The following UBR4 variants were observed in gnomAD, a reference collection of about 807,000 sequenced individuals.
The protein encoded by UBR4 is E3 ubiquitin-protein ligase UBR4.
A neutral mutation model predicts 575.6 loss-of-function variants in UBR4; 124 were observed. The observed-to-expected ratio is 0.22, with a 90% CI of 0.19 to 0.25. UBR4 has a LOEUF of 0.25. Among genes scored for constraint, UBR4 ranks in the 10% least tolerant of loss-of-function variants. The probability of loss-of-function intolerance (pLI) is 1.00; values close to 1 mark genes in which losing one functional copy is unlikely to be tolerated. For synonymous variants in UBR4, 2,455 were observed against 2,473.7 expected, an observed-to-expected ratio of 0.99 and a Z score of 0.22; for missense variants, 4,818 against 6,478.8, an observed-to-expected ratio of 0.74 and a Z score of 8.80.
Position 19,176,580 on chromosome 1 carries a change from C to A in UBR4, c.2773+12G>T. The A allele has an allele frequency of 2.5e-6, 4 of 1,611,732 alleles. No homozygotes were observed. Among genetic ancestry groups the A allele is most frequent in the Non-Finnish European group, 3.4e-6 (4 of 1,178,752 alleles). On this transcript the variant is annotated intron_variant, in intron 20 of 105. Coordinates refer to ENST00000375254, the MANE Select transcript of UBR4 (RefSeq NM_020765.3). Reference sequence around the variant, plus strand: ...AGTAAGTCAGTTTCTTATTAACAGTCTTCTTTCTGACCTGATGAGAAATGC... The same window carrying A: ...AGTAAGTCAGTTTCTTATTAACAGTATTCTTTCTGACCTGATGAGAAATGC...
intron 63 of UBR4, among the ~76,000 whole-genome samples, chr1:19,127,311 T>C (rs956748565): frequency 6.6e-6 from 1 of 152,196 alleles, no homozygotes; most frequent in Admixed American, 6.5e-5. Context: ...CCATACCTTA[T>C]AGCAACATAC....
chr1:19,086,634 A>G (rs1221088612), intron 100 of UBR4, 45 bp downstream of exon 100: 2 of 1,605,294 alleles, frequency 1.2e-6, no homozygotes, highest in Non-Finnish European at 1.7e-6. Flanking sequence ...CCAGGCCCAC[A>G]GGCAGGCCTA....
chr1:19,101,492 G>T, intron 88 of UBR4, 28 bp downstream of exon 88: 1 of 1,587,736 alleles, frequency 6.3e-7, no homozygotes, highest in East Asian at 2.3e-5. Flanking sequence ...TGACACTCGA[G>T]AGCCATGGGA....
intron 18 of UBR4, among the ~76,000 whole-genome samples, chr1:19,178,468 T>C (rs1464004703): frequency 6.6e-6 from 1 of 152,140 alleles, no homozygotes; most frequent in Non-Finnish European, 1.5e-5. Context: ...ATATAGCGGG[T>C]CTTTGGCACT....
rs1000708307 is a variant in UBR4 at position 19,174,968 on chromosome 1, G to T, written c.2839C>A (p.Arg947=). ...SPEASEDDLN[R]LDSVACDVLF... Reference sequence around the variant, plus strand: ...ATTCCTAGTACCACAGAATCAAGTCGGTTCAAATCATCCTCTGAGGCTTCT... The same window carrying T: ...ATTCCTAGTACCACAGAATCAAGTCTGTTCAAATCATCCTCTGAGGCTTCT... Residue 947 remains arginine, a synonymous_variant, in exon 21 of 106, where the codon CGA becomes AGA. Coordinates refer to ENST00000375254, the MANE Select transcript of UBR4 (RefSeq NM_020765.3). The T allele has an allele frequency of 5.0e-6, 8 of 1,613,642 alleles. No homozygotes were observed. The highest frequency in any genetic ancestry group is 4.0e-5 in the African/African-American group (3 of 74,872).
intron 42 of UBR4, 23 bp downstream of exon 42, chr1:19,156,248 T>C (rs1272302952): frequency 6.2e-7 from 1 of 1,611,466 alleles, no homozygotes; most frequent in Admixed American, 1.7e-5. Context: ...TAGGACCATA[T>C]CATCAAAGAA....
At chr1:19,142,052 TC>T (rs1387249745) in intron 55 of UBR4, among the ~76,000 whole-genome samples, 2 of 152,254 alleles carry the variant, frequency 1.3e-5, no homozygotes, top group African/African-American at 4.8e-5. Context: ...CAAAGGGATT[TC>T]CATAAAGGTG....
In UBR4 at chr1:19,121,336, C is replaced by T; in HGVS notation, c.9994G>A (p.Val3332Met). The T allele has an allele frequency of 2.5e-6, 4 of 1,614,180 alleles. No individual in the cohort carries two copies. Among genetic ancestry groups the T allele is most frequent in the Non-Finnish European group, 3.4e-6 (4 of 1,180,022 alleles). The change falls in exon 68 of 106, where the codon GTG becomes ATG. Residue 3332 changes from valine to methionine, a missense_variant. Coordinates refer to ENST00000375254, the MANE Select transcript of UBR4 (RefSeq NM_020765.3). ...GAAGAGGCTGCCAGTGCAGCGAGCA[C>T]CTTGCTGCCGCACAGAGCACAGGAG... ...LLSCALCGSK[V>M]LAALAASSGS...
intron 92 of UBR4, 38 bp from the exon 93 acceptor site, chr1:19,095,690 T>G (rs749392871): frequency 3.1e-6 from 5 of 1,598,950 alleles, no homozygotes; most frequent in Non-Finnish European, 4.3e-6. Context: ...TGAGGCCACA[T>G]GAGAGTGTAG....
chr1:19,193,113 A>G (rs751365887), intron 9 of UBR4, among the ~76,000 whole-genome samples: 1 of 152,106 alleles, frequency 6.6e-6, no homozygotes, highest in Non-Finnish European at 1.5e-5. Context: ...GTTTCAGCGC[A>G]CTTAATCACT....
In UBR4 at chr1:19,114,862, G is replaced by C. The variant is rs2149364472; in HGVS notation, c.11151C>G (p.Ala3717=). 6.2e-7 allele frequency: 1 copy of C among 1,614,192 alleles called. No individual in the cohort carries two copies. Among genetic ancestry groups the C allele is most frequent in the Non-Finnish European group, 8.5e-7 (1 of 1,180,040 alleles). The change falls in exon 75 of 106, where the codon GCC becomes GCG. Residue 3717 remains alanine, a synonymous_variant. Transcript: ENST00000375254. ...KYARFDFMLY[A]KPCCAVDPIE... is the part of the protein sequence containing the mutation. ...TGGGATCCACTGCACAGCAAGGCTT[G>C]GCATAGAGCATGAAGTCGAAGCGGG...
At chr1:19,144,653 T>A in intron 54 of UBR4, 133 bp downstream of exon 54, 1 of 1,293,616 alleles carries the variant, frequency 7.7e-7, no homozygotes, top group Non-Finnish European at 1.1e-6. Context: ...TTAAAGCTTT[T>A]ATTGATATTT....
Position 19,126,368 on chromosome 1 carries a change from A to G in UBR4, c.9438+78T>C, listed in dbSNP as rs79929499. On this transcript the variant is annotated intron_variant, in intron 64 of 105. Coordinates refer to ENST00000375254, the MANE Select transcript of UBR4 (RefSeq NM_020765.3). ...ATGGCTCTTCACCCTCAGCCCCTTG[A>G]GCTCTCTGCACCGCGAGGAAAGAGA... The G allele has an allele frequency of 1.8e-4, 286 of 1,559,466 alleles. 2 individuals are homozygous for G. In the African/African-American group the frequency reaches 3.3e-3, roughly 18 times the overall value.
chr1:19,203,580 G>A (rs2092858738), intron 1 of UBR4, among the ~76,000 whole-genome samples: 1 of 152,000 alleles, frequency 6.6e-6, no homozygotes, highest in Non-Finnish European at 1.5e-5. Context: ...AAGACTATCT[G>A]CCTGCCAAAT....
At chr1:19,133,200 T>C (rs1193508559) in intron 60 of UBR4, among the ~76,000 whole-genome samples, 1 of 152,142 alleles carries the variant, frequency 6.6e-6, no homozygotes, top group Non-Finnish European at 1.5e-5. Flanking sequence ...TCAGGTCACA[T>C]GATATAAAGG....
chr1:19,086,411 G>C, intron 100 of UBR4, 141 bp from the exon 101 acceptor site: 5 of 1,275,310 alleles, frequency 3.9e-6, no homozygotes, highest in Non-Finnish European at 5.3e-6. Flanking sequence ...CCTGCGAAGA[G>C]AATTTGCTAT....
At position 19,110,438 on chromosome 1, in the gene UBR4, C is replaced by A; in HGVS notation, c.11919G>T (p.Leu3973=). 1.9e-6 allele frequency: 3 copies of A among 1,614,176 alleles called. No individual in the cohort carries two copies. The highest frequency in any genetic ancestry group is 1.7e-6 in the Non-Finnish European group (2 of 1,180,030). Residue 3973 remains leucine, a synonymous_variant, in exon 80 of 106, where the codon CTG becomes CTT. Transcript: ENST00000375254. This position sits in a 1 kb window ranked among gnomAD's most constrained non-coding sequence, Gnocchi z 4.5. The part of the protein sequence containing the change: ...DLASSLQYEM[L]LLTDSISKED... ...CCTTGGAGATAGAATCCGTCAGCAGCAGCATTTCATACTGCAGGCTACTTG... is the reference window on the plus strand; with the variant it reads ...CCTTGGAGATAGAATCCGTCAGCAGAAGCATTTCATACTGCAGGCTACTTG...
At chr1:19,195,969 T>TACAC (rs55820713) in intron 8 of UBR4, among the ~76,000 whole-genome samples, 6,783 of 133,990 alleles carry the variant, frequency 0.051, 183 homozygotes, top group African/African-American at 0.077. Context: ...GACTTACTTA[T>TACAC]ACACACACAC....
At chr1:19,092,963 G>A (rs1288791555) in intron 96 of UBR4, 45 bp from the exon 97 acceptor site, 3 of 1,562,776 alleles carry the variant, frequency 1.9e-6, no homozygotes, top group Admixed American at 1.8e-5. Context: ...GGAAGCAAAG[G>A]CTACCTAGAA....
Sources: allele counts gnomAD v4.1 joint callset (sites outside exome capture counted in the v4.1 genomes callset), GRCh38; gene constraint gnomAD v4.1.1; non-coding constraint Gnocchi (gnomAD v3.1); transcripts MANE v1.5; gene names NCBI Gene and HGNC (gene_info 2026-07-23, HGNC 2026-07-21).